SDK1: variants seen among roughly 807,000 people sequenced by gnomAD.
SDK1 encodes protein sidekick-1.
In SDK1, 157 loss-of-function variants were observed where a neutral mutation model predicts 245.5. The ratio of observed to expected loss-of-function variants is 0.64; its 90% CI spans 0.56 to 0.73. SDK1 has a LOEUF of 0.73. Ranked by LOEUF, SDK1 falls within the 30% of genes least tolerant of loss-of-function variation. SDK1 has a pLI of 0.00. For synonymous variants in SDK1, 1,647 were observed against 1,278.5 expected (o/e 1.29, Z -6.15); for missense variants, 3,583 against 3,002.3 (o/e 1.19, Z -4.52).
intron 4 of SDK1, among the ~76,000 whole-genome samples, chr7:3,765,533 G>A (rs373077012): frequency 9.9e-5 from 15 of 152,118 alleles, no homozygotes; most frequent in African/African-American, 1.9e-4. Flanking sequence ...GCTAGTTCTC[G>A]TTGTAGTGTC....
At chr7:3,974,730 C>T (rs967627442) in intron 13 of SDK1, 185 bp downstream of exon 13, 10 of 537,142 alleles carry the variant, frequency 1.9e-5, no homozygotes, top group Middle Eastern at 4.5e-4. Flanking sequence ...CTTTCAACTT[C>T]GGAATTGAGA....
At chr7:3,386,810 G>A (rs1781620779) in intron 1 of SDK1, among the ~76,000 whole-genome samples, 2 of 152,140 alleles carry the variant, frequency 1.3e-5, no homozygotes. Flanking sequence ...TCTTTTGGGG[G>A]ACTGGATGCT....
At chr7:3,940,399 C>T (rs561376433) in intron 5 of SDK1, among the ~76,000 whole-genome samples, 3 of 152,352 alleles carry the variant, frequency 2.0e-5, no homozygotes, top group South Asian at 2.1e-4. Context: ...TCTTAAAACT[C>T]GAGCAGAAGT....
At chr7:3,985,771 T>C (rs1490233355) in intron 13 of SDK1, among the ~76,000 whole-genome samples, 1 of 152,204 alleles carries the variant, frequency 6.6e-6, no homozygotes, top group Non-Finnish European at 1.5e-5. Context: ...ATTAGAAATA[T>C]TAGTATGCTT....
intron 13 of SDK1, among the ~76,000 whole-genome samples, chr7:3,979,565 C>G (rs1238012258): frequency 2.0e-5 from 3 of 152,154 alleles, no homozygotes; most frequent in African/African-American, 4.8e-5. Flanking sequence ...GTCTTTTGCC[C>G]TACTGAGGAG....
At chr7:4,261,722 C>T (rs560656175) in intron 44 of SDK1, among the ~76,000 whole-genome samples, 3 of 152,306 alleles carry the variant, frequency 2.0e-5, no homozygotes, top group African/African-American at 4.8e-5. Context: ...GCCGCTCACT[C>T]TTTTACCCCC....
At chr7:4,174,730 T>G (rs1782079313) in intron 33 of SDK1, among the ~76,000 whole-genome samples, 1 of 152,160 alleles carries the variant, frequency 6.6e-6, no homozygotes, top group African/African-American at 2.4e-5. Flanking sequence ...AGGCCCCGCC[T>G]GTCTGTACCA....
chr7:4,173,298 C>A (rs1221417453), intron 32 of SDK1, among the ~76,000 whole-genome samples: 1 of 152,216 alleles, frequency 6.6e-6, no homozygotes, highest in African/African-American at 2.4e-5. Flanking sequence ...TGAGGCTTTC[C>A]AGGGCATCCG....
chr7:3,655,477 A>ATGTATGTATGTATG (rs1324904016), intron 4 of SDK1, among the ~76,000 whole-genome samples: 1 of 88,200 alleles, frequency 1.1e-5, no homozygotes, highest in African/African-American at 5.0e-5. Flanking sequence ...ATATATATAT[A>ATGTATGTATGTATG]TATATATATA....
intron 25 of SDK1, among the ~76,000 whole-genome samples, chr7:4,124,678 G>C (rs539299207): frequency 2.0e-5 from 3 of 152,222 alleles, no homozygotes; most frequent in Non-Finnish European, 4.4e-5. Context: ...AACTACTCTC[G>C]TGTAGAAAAT....
At chr7:4,239,095 A>G (rs1231549297) in intron 42 of SDK1, among the ~76,000 whole-genome samples, 3 of 152,228 alleles carry the variant, frequency 2.0e-5, no homozygotes, top group African/African-American at 7.2e-5. Context: ...TGTTTCCAGC[A>G]GAAACTCCAC....
intron 5 of SDK1, among the ~76,000 whole-genome samples, chr7:3,836,859 A>AGAT (rs1780039294): frequency 6.6e-6 from 1 of 152,128 alleles, no homozygotes; most frequent in Admixed American, 6.5e-5. Context: ...TGGAAGTCCA[A>AGAT]GATGAAACCA....
At chr7:3,935,154 G>A (rs560280692) in intron 5 of SDK1, among the ~76,000 whole-genome samples, 1 of 152,320 alleles carries the variant, frequency 6.6e-6, no homozygotes, top group East Asian at 1.9e-4. Context: ...GTTGGTGAAT[G>A]GTGAGTGCCA....
chr7:4,097,568 T>C (rs1782235099), intron 22 of SDK1, among the ~76,000 whole-genome samples: 1 of 152,194 alleles, frequency 6.6e-6, no homozygotes, highest in South Asian at 2.1e-4. Flanking sequence ...CCAACCTTGA[T>C]TGACTTCACT....
intron 5 of SDK1, among the ~76,000 whole-genome samples, chr7:3,825,978 G>T (rs1779764907): frequency 6.6e-6 from 1 of 152,226 alleles, no homozygotes; most frequent in South Asian, 2.1e-4. Context: ...TTTATAGATT[G>T]TATGACACTT....
At chr7:3,966,453 C>G (rs1782090086) in intron 9 of SDK1, among the ~76,000 whole-genome samples, 1 of 152,094 alleles carries the variant, frequency 6.6e-6, no homozygotes, top group South Asian at 2.1e-4. Context: ...CTCGCTGAAG[C>G]CATCAGGAGC....
rs112084277 is a variant in SDK1, at chr7:3,879,736, C to T, written c.847+58153C>T. ...CTTTTCTTCCCCTACACAAACACTG[C>T]CATGCCTGAAGTACTTCCCCTGCTT... On this transcript the variant is annotated intron_variant, in intron 5 of 44. Coordinates refer to ENST00000404826, the MANE Select transcript of SDK1 (RefSeq NM_152744.4). Among the ~76,000 whole-genome samples the T allele has an allele frequency of 6.5e-3, 997 of 152,322 alleles. 14 individuals carry two copies. The highest frequency in any genetic ancestry group is 0.036 in the South Asian group (175 of 4,828).
At chr7:4,043,841 AACCTACCGAGAATG>A (rs1263701878) in intron 17 of SDK1, among the ~76,000 whole-genome samples, 4 of 152,100 alleles carry the variant, frequency 2.6e-5, no homozygotes, top group African/African-American at 9.7e-5. Flanking sequence ...CCCAGAGCTA[AACCTACCGAGAATG>A]AGATGCCGTC....
At chr7:3,497,753 G>A (rs1043947060) in intron 1 of SDK1, among the ~76,000 whole-genome samples, 5 of 152,158 alleles carry the variant, frequency 3.3e-5, no homozygotes, top group East Asian at 1.9e-4. Flanking sequence ...GCCATGGAGA[G>A]CTTTTGATTT....
Sources: allele counts gnomAD v4.1 joint callset (sites outside exome capture counted in the v4.1 genomes callset), GRCh38; gene constraint gnomAD v4.1.1; transcripts MANE v1.5; gene names NCBI Gene and HGNC (gene_info 2026-07-23, HGNC 2026-07-21).